The following TMEM86B variants were observed in gnomAD, a reference collection of about 807,000 sequenced individuals.
The protein encoded by TMEM86B is lysoplasmalogenase TMEM86B.
Under a neutral mutation model 12.3 loss-of-function variants are expected in TMEM86B, and 15 were observed. The ratio of observed to expected loss-of-function variants is 1.22; its 90% confidence interval spans 0.81 to 1.87. TMEM86B has a LOEUF of 1.87. Among genes scored for constraint, TMEM86B ranks in the 40% most tolerant of loss-of-function variants. The pLI is 0.00. For synonymous variants in TMEM86B, 173 were observed against 140.3 expected (o/e 1.23, Z -1.65); for missense variants, 328 against 297.4 (o/e 1.10, Z -0.76).
In TMEM86B at chr19:55,227,027, A is replaced by T; in HGVS notation, c.*154T>A. On this transcript the variant is annotated 3_prime_UTR_variant, in exon 3 of 3. Transcript: ENST00000327042. Reference sequence around the variant, plus strand: ...TTGGAATTCCGCAAATCGTCCTCAAACGTCTTCAGCCAGAAGCGACGGCGG... The same window carrying T: ...TTGGAATTCCGCAAATCGTCCTCAATCGTCTTCAGCCAGAAGCGACGGCGG... 7.0e-6 allele frequency: 6 copies of T among 862,864 alleles called. No individual in the cohort carries two copies. Among genetic ancestry groups the T allele is most frequent in the Non-Finnish European group, 9.6e-6 (6 of 624,496 alleles). 53.5% of individuals were successfully genotyped at this position (862,864 alleles called of 1,614,324 possible).
In TMEM86B at chr19:55,228,248, G is replaced by A. The variant is rs1342331012; in HGVS notation, c.241C>T (p.Leu81Phe). The change falls in exon 2 of 3, where the codon CTT becomes TTT. Residue 81 changes from leucine to phenylalanine, a missense_variant. Physicochemically the swap from Leu to Phe is conservative, Grantham distance 22. Coordinates refer to ENST00000327042, the MANE Select transcript of TMEM86B (RefSeq NM_173804.5). ...GCGTCCCCCACAGCCGAGCACACAA[G>A]GGCTCCCTGGAGGAGCTGGGTGTAG... ...GGYTQLLQGA[L>F]VCSAVGDACL... is the part of the protein sequence containing the mutation. 3 of 1,612,554 alleles carry A rather than the reference G, an allele frequency of 1.9e-6. No homozygotes were observed. Among genetic ancestry groups the A allele is most frequent in the South Asian group, 1.1e-5 (1 of 90,922 alleles).
Position 55,228,314 on chromosome 19 carries a change from A to C in TMEM86B, c.175T>G (p.Cys59Gly), listed in dbSNP as rs1170140386. 23 of 1,613,878 alleles carry C rather than the reference A, an allele frequency of 1.4e-5. No individual in the cohort carries two copies. The highest frequency in any genetic ancestry group is 1.9e-5 in the Non-Finnish European group (23 of 1,179,974). The part of the protein sequence containing the change: ...AALVKCLPVL[C>G]LAGFLWVMSP... ...ATGACCCACAGGAACCCAGCCAGGC[A>C]GAGGACGGGCAGGCACTTGACCAGG... The change falls in exon 2 of 3, where the codon TGC (cysteine) becomes GGC (glycine). Residue 59 changes from cysteine to glycine, a missense_variant. Cys to Gly is a radical substitution (Grantham distance 159, BLOSUM62 -3). Coordinates refer to ENST00000327042, the MANE Select transcript of TMEM86B (RefSeq NM_173804.5).
intron 2 of TMEM86B, 149 bp from the exon 3 acceptor site, chr19:55,227,712 T>C (rs774390838): frequency 1.0e-4 from 110 of 1,075,950 alleles, no homozygotes; most frequent in Middle Eastern, 6.2e-4. Context: ...ACATGCAGTG[T>C]CCATCCTTGC....
At position 55,227,540 on chromosome 19, in the gene TMEM86B, G is replaced by A. The variant is rs1206502808; in HGVS notation, c.322C>T (p.His108Tyr). The A allele has an allele frequency of 6.5e-7, 1 of 1,536,040 alleles. No homozygotes were observed. Among genetic ancestry groups the A allele is most frequent in the Admixed American group, 2.0e-5 (1 of 49,984 alleles). Residue 108 changes from histidine (H) to tyrosine (Y), a missense_variant, in exon 3 of 3, where the codon CAC (histidine) becomes TAC (tyrosine). His to Tyr is a moderately conservative substitution (Grantham distance 83, BLOSUM62 2). Coordinates refer to ENST00000327042, the MANE Select transcript of TMEM86B (RefSeq NM_173804.5). ...CCGAAGGCCCAGACGTAGAGGAGGT[G>A]GGCGGTGGCAAAGGCGGCCATGCCT... ...VPGMAAFATA[H>Y]LLYVWAFGFS...
chr19:55,227,853 G>C, intron 2 of TMEM86B: 2 of 587,012 alleles, frequency 3.4e-6, no homozygotes, highest in Non-Finnish European at 5.9e-6. Flanking sequence ...TCCCTGCCCC[G>C]GAGCCTTTAC....
At chr19:55,228,121 G>A (rs775368268) in intron 2 of TMEM86B, 70 bp downstream of exon 2, 1 of 1,528,948 alleles carries the variant, frequency 6.5e-7, no homozygotes, top group Admixed American at 2.0e-5. Flanking sequence ...TCTGCACCCA[G>A]GCTCCCATCC....
chr19:55,227,743 G>A, intron 2 of TMEM86B, 180 bp from the exon 3 acceptor site: 1 of 860,680 alleles, frequency 1.2e-6, no homozygotes, highest in Non-Finnish European at 1.7e-6. Flanking sequence ...ACTGCCAGGA[G>A]GCCCCACCTT....
chr19:55,228,061 G>A (rs757386467), intron 2 of TMEM86B, 130 bp downstream of exon 2: 60 of 1,421,392 alleles, frequency 4.2e-5, no homozygotes, highest in Middle Eastern at 2.6e-4. Flanking sequence ...CCTCGGTCAC[G>A]GCTGCGCCCC....
At position 55,228,356 on chromosome 19, in the gene TMEM86B, G is replaced by A. The variant is rs1012852309; in HGVS notation, c.133C>T (p.Leu45=). The A allele has an allele frequency of 8.1e-6, 13 of 1,613,928 alleles. No homozygotes were observed. Among genetic ancestry groups the A allele is most frequent in the African/African-American group, 1.3e-5 (1 of 75,058 alleles). Reference sequence around the variant, plus strand: ...TTGACCAGGGCAGCGAACCAGGACAGCTGGTCCTCGGGAATCCAGAGGCAG... The same window carrying A: ...TTGACCAGGGCAGCGAACCAGGACAACTGGTCCTCGGGAATCCAGAGGCAG... ...YFCLWIPEDQ[L]SWFAALVKCL... Residue 45 remains leucine (L), a synonymous_variant, in exon 2 of 3, where the codon CTG becomes TTG. Transcript: ENST00000327042.
Position 55,227,277 on chromosome 19 carries a change from C to CA in TMEM86B, c.584dup (p.Pro196AlafsTer31), listed in dbSNP as rs1568939922. On this transcript the variant is annotated frameshift_variant, in exon 3 of 3. Coordinates refer to ENST00000327042, the MANE Select transcript of TMEM86B (RefSeq NM_173804.5). LOFTEE classifies it low-confidence loss of function (END_TRUNC). ...TCATGATCACCAGGTGGGCATGGGG[C>CA]AGGGGCTGGGCGAAGGTGTCCCAGG... The CA allele has an allele frequency of 6.2e-7, 1 of 1,607,914 alleles. No homozygotes were observed. Among genetic ancestry groups the CA allele is most frequent in the South Asian group, 1.1e-5 (1 of 90,576 alleles).
chr19:55,228,451 G>A lies in TMEM86B; in HGVS notation c.52-14C>T. On this transcript the variant is annotated splice_polypyrimidine_tract_variant and intron_variant, in intron 1 of 2. Coordinates refer to ENST00000327042, the MANE Select transcript of TMEM86B (RefSeq NM_173804.5). ...GACATCTGGGCGCTTTGGGGAGTGGGGAGCTACTGAGCCGAAACCCAGCCC... is the reference window on the plus strand; with the variant it reads ...GACATCTGGGCGCTTTGGGGAGTGGAGAGCTACTGAGCCGAAACCCAGCCC... 1.2e-6 allele frequency: 2 copies of A among 1,609,240 alleles called. No homozygotes were observed. The highest frequency in any genetic ancestry group is 1.7e-6 in the Non-Finnish European group (2 of 1,179,892).
Position 55,227,323 on chromosome 19 carries a change from G to A in TMEM86B, c.539C>T (p.Thr180Met), listed in dbSNP as rs538668600. The A allele has an allele frequency of 3.7e-4, 600 of 1,608,742 alleles. 7 individuals are homozygous for A. The South Asian group carries it at 5.7e-3, about 15-fold the overall frequency. Reference sequence around the variant, plus strand: ...CCAGGCCAGCACGCCATCAGAGAGCGTGAAGAGCAGCGCGCCCCAGCCGGC... The same window carrying A: ...CCAGGCCAGCACGCCATCAGAGAGCATGAAGAGCAGCGCGCCCCAGCCGGC... ...GSAGWGALLF[T>M]LSDGVLAWDT... The change falls in exon 3 of 3, where the codon ACG becomes ATG. Residue 180 changes from threonine to methionine, a missense_variant. Physicochemically the swap from Thr to Met is moderately conservative, Grantham distance 81. Transcript: ENST00000327042.
At position 55,227,192 on chromosome 19, in the gene TMEM86B, T is replaced by G; in HGVS notation, c.670A>C (p.Lys224Gln). Residue 224 changes from lysine (K) to glutamine (Q), a missense_variant, in exon 3 of 3, where the codon AAG becomes CAG. Physicochemically the swap from Lys to Gln is moderately conservative, Grantham distance 53. Transcript: ENST00000327042. The part of the protein sequence containing the change: ...TLSALRSPVP[K>Q]TD Reference sequence around the variant, plus strand: ...TTCAAGCTCCCTAGTCAGTCAGTCTTGGGCACCGGGCTCCTGAGGGCTGAC... The same window carrying G: ...TTCAAGCTCCCTAGTCAGTCAGTCTGGGGCACCGGGCTCCTGAGGGCTGAC... 9 of 1,518,736 alleles carry G rather than the reference T, an allele frequency of 5.9e-6. No individual in the cohort carries two copies. The highest frequency in any genetic ancestry group is 8.0e-6 in the Non-Finnish European group (9 of 1,127,474). The allele number at this position is 1,518,736 out of a possible 1,614,324, so 94.1% of individuals were successfully genotyped here.
chr19:55,228,249 G>A lies in TMEM86B; in HGVS notation c.240C>T (p.Ala80=). The A allele has an allele frequency of 6.2e-7, 1 of 1,612,656 alleles. No homozygotes were observed. Among genetic ancestry groups the A allele is most frequent in the Non-Finnish European group, 8.5e-7 (1 of 1,179,664 alleles). Residue 80 remains alanine (A), a synonymous_variant, in exon 2 of 3, where the codon GCC becomes GCT. Coordinates refer to ENST00000327042, the MANE Select transcript of TMEM86B (RefSeq NM_173804.5). ...SGGYTQLLQG[A]LVCSAVGDAC... ...CGTCCCCCACAGCCGAGCACACAAG[G>A]GCTCCCTGGAGGAGCTGGGTGTAGC...
At position 55,228,334 on chromosome 19, in the gene TMEM86B, A is replaced by C. The variant is rs2122467184; in HGVS notation, c.155T>G (p.Val52Gly). ...CAGGCAGAGGACGGGCAGGCACTTG[A>C]CCAGGGCAGCGAACCAGGACAGCTG... Reference protein sequence around the residue: ...EDQLSWFAALVKCLPVLCLAG... With the variant: ...EDQLSWFAALGKCLPVLCLAG... The change falls in exon 2 of 3, where the codon GTC (valine) becomes GGC (glycine). Residue 52 changes from valine to glycine, a missense_variant. Val to Gly is a moderately radical substitution (Grantham distance 109). Transcript: ENST00000327042. The C allele has an allele frequency of 6.2e-7, 1 of 1,613,896 alleles. No individual in the cohort carries two copies. The highest frequency in any genetic ancestry group is 8.5e-7 in the Non-Finnish European group (1 of 1,179,992).
At chr19:55,228,048 C>G in intron 2 of TMEM86B, 143 bp downstream of exon 2, 3 of 1,380,212 alleles carry the variant, frequency 2.2e-6, no homozygotes, top group Non-Finnish European at 2.9e-6. Context: ...GGAGCGTGAG[C>G]TGCCTCGGTC....
In TMEM86B at chr19:55,228,207, C is replaced by T. The variant is rs781084326; in HGVS notation, c.282G>A (p.Pro94=). The T allele has an allele frequency of 2.2e-5, 36 of 1,610,526 alleles. No homozygotes were observed. The highest frequency in any genetic ancestry group is 4.5e-5 in the East Asian group (2 of 44,848). The change falls in exon 2 of 3, where the codon CCG becomes CCA. Residue 94 remains proline, a synonymous_variant. Transcript: ENST00000327042. ...TCCACTCACCAGGGACGAAGGCTGC[C>T]GGCCAGATGAGGCAAGCGTCCCCCA... ...SAVGDACLIW[P]AAFVPGMAAF... is the part of the protein sequence containing the mutation.
Position 55,228,283 on chromosome 19 carries a change from G to A in TMEM86B, c.206C>T (p.Pro69Leu), listed in dbSNP as rs1439315236. ...GAGGAGCTGGGTGTAGCCCCCGCTT[G>A]GGGACATGACCCACAGGAACCCAGC... ...CLAGFLWVMS[P>L]SGGYTQLLQG... Residue 69 changes from proline (P) to leucine (L), a missense_variant, in exon 2 of 3, where the codon CCA becomes CTA. Physicochemically the swap from Pro to Leu is moderately conservative, Grantham distance 98. Transcript: ENST00000327042. 1.9e-5 allele frequency: 31 copies of A among 1,613,246 alleles called. No homozygotes were observed. Among genetic ancestry groups the A allele is most frequent in the Non-Finnish European group, 2.5e-5 (30 of 1,179,824 alleles).
At position 55,227,470 on chromosome 19, in the gene TMEM86B, G is replaced by A. The variant is rs1268159688; in HGVS notation, c.392C>T (p.Ala131Val). The A allele has an allele frequency of 1.9e-6, 3 of 1,555,444 alleles. No individual in the cohort carries two copies. The highest frequency in any genetic ancestry group is 2.6e-6 in the Non-Finnish European group (3 of 1,149,152). Residue 131 changes from alanine (A) to valine (V), a missense_variant, in exon 3 of 3, where the codon GCC becomes GTC. Transcript: ENST00000327042. ...QPGLLLLIIL[A>V]PGPYLSLVLQ... is the part of the protein sequence containing the mutation. ...CACAAGGCTGAGGTAGGGGCCAGGG[G>A]CCAGGATGATGAGCAGCAGCAGGCC...
Sources: allele counts gnomAD v4.1 joint callset, GRCh38; gene constraint gnomAD v4.1.1; transcripts MANE v1.5; gene names NCBI Gene and HGNC (gene_info 2026-07-23, HGNC 2026-07-21).